TRA2B: variants seen among roughly 807,000 people sequenced by gnomAD.
TRA2B encodes transformer 2 beta homolog.
In TRA2B, 14 loss-of-function variants were observed where a neutral mutation model predicts 41.7. That is an observed-to-expected ratio of 0.34 (90% CI 0.22 to 0.53). The LOEUF is 0.53. Among genes scored for constraint, TRA2B ranks in the 20% least tolerant of loss-of-function variants. The pLI is 0.95. For missense variants in TRA2B, 167 were observed against 396.8 expected, an observed-to-expected ratio of 0.42 and a Z score of 4.92; for synonymous variants, 130 against 128.8, an observed-to-expected ratio of 1.01 and a Z score of -0.06.
intron 2 of TRA2B, 58 bp from the exon 3 acceptor site, chr3:185,925,684 ACT>A (rs1317082658): frequency 2.6e-6 from 4 of 1,532,498 alleles, no homozygotes; most frequent in Non-Finnish European, 2.6e-6. Flanking sequence ...CTTCTTTATT[ACT>A]CTGTTCTAAA....
At chr3:185,930,019 CGAG>C (rs1402654081) in intron 1 of TRA2B, among the ~76,000 whole-genome samples, 33 of 152,176 alleles carry the variant, frequency 2.2e-4, no homozygotes, top group African/African-American at 7.0e-4. Flanking sequence ...CCCTATGGCC[CGAG>C]GAGGAGACAC....
intron 1 of TRA2B, among the ~76,000 whole-genome samples, chr3:185,930,929 G>C (rs1292576518): frequency 6.6e-6 from 1 of 152,166 alleles, no homozygotes; most frequent in African/African-American, 2.4e-5. Flanking sequence ...TATTTTATCA[G>C]TAATCCTAGT....
chr3:185,923,377 T>C (rs1256114290), intron 4 of TRA2B: 1 of 153,948 alleles, frequency 6.5e-6, no homozygotes, highest in Non-Finnish European at 1.4e-5. Flanking sequence ...AAATGGGGTC[T>C]AGCCCCACAT....
In TRA2B at chr3:185,926,742, T is replaced by A. The variant is rs753204604; in HGVS notation, c.37-8A>T. ...GGAAGCAGAACGGGATTCCTACACG[T>A]AGATGTTAAAAGTTTAATTTGCACA... On this transcript the variant is annotated splice_polypyrimidine_tract_variant and splice_region_variant and intron_variant, in intron 1 of 8. Coordinates refer to ENST00000453386, the MANE Select transcript of TRA2B (RefSeq NM_004593.3). 10 of 1,613,764 alleles carry A rather than the reference T, an allele frequency of 6.2e-6. No homozygotes were observed. Among genetic ancestry groups the A allele is most frequent in the Non-Finnish European group, 7.6e-6 (9 of 1,179,818 alleles).
chr3:185,921,893 A>C, intron 5 of TRA2B, 118 bp downstream of exon 5: 4 of 627,056 alleles, frequency 6.4e-6, no homozygotes, highest in Middle Eastern at 7.8e-4. Context: ...GGAGCATTTA[A>C]TCAATCAACA....
At chr3:185,920,846 A>G (rs560093103) in intron 6 of TRA2B, among the ~76,000 whole-genome samples, 20 of 152,222 alleles carry the variant, frequency 1.3e-4, no homozygotes, top group Admixed American at 3.3e-4. Context: ...ATGTTTAAAA[A>G]TAAAACACAT....
At chr3:185,929,391 A>AATTC (rs1744067508) in intron 1 of TRA2B, among the ~76,000 whole-genome samples, 1 of 152,218 alleles carries the variant, frequency 6.6e-6, no homozygotes, top group Non-Finnish European at 1.5e-5. Context: ...GCATACTTCA[A>AATTC]ATTCCACTCT....
In TRA2B at chr3:185,917,422, T is replaced by C; in HGVS notation, c.*293A>G. On this transcript the variant is annotated 3_prime_UTR_variant, in exon 9 of 9. Coordinates refer to ENST00000453386, the MANE Select transcript of TRA2B (RefSeq NM_004593.3). The stretch of plus-strand genomic sequence containing the variant: ...ATACCCTGGATTCAGTAGAAAAACC[T>C]TTTAAATGAAGTTTTGTACAATAGA... The C allele has an allele frequency of 2.5e-6, 1 of 394,210 alleles. No homozygotes were observed. 24.4% of individuals were successfully genotyped at this position (394,210 alleles called of 1,614,324 possible).
chr3:185,929,691 A>AAAGGACT (rs1744077499), intron 1 of TRA2B, among the ~76,000 whole-genome samples: 1 of 152,204 alleles, frequency 6.6e-6, no homozygotes, highest in African/African-American at 2.4e-5. Flanking sequence ...AACATATTTG[A>AAAGGACT]AAGGACTAAC....
At chr3:185,928,275 T>C (rs1744026719) in intron 1 of TRA2B, 1 of 152,164 alleles carries the variant, frequency 6.6e-6, no homozygotes. Context: ...TCCAGTAAAA[T>C]GAGTTCAGGT....
chr3:185,926,624 C>T lies in TRA2B; in HGVS notation c.147G>A (p.Lys49=), dbSNP rs183437086. ...ACCTAGATTCAGATCGGGACCTGGA[C>T]TTTGATCTGGAACGCCTGGAATCTT... is the stretch of plus-strand genomic sequence containing the variant. ...SKEDSRRSRS[K]SRSRSESRSR... The change falls in exon 2 of 9, where the codon AAG becomes AAA. Residue 49 remains lysine (K), a synonymous_variant. Transcript: ENST00000453386. 6.2e-7 allele frequency: 1 copy of T among 1,614,166 alleles called. No homozygotes were observed. Among genetic ancestry groups the T allele is most frequent in the East Asian group, 2.2e-5 (1 of 44,890 alleles).
intron 1 of TRA2B, chr3:185,934,736 A>G: frequency 1.0e-6 from 1 of 985,404 alleles, no homozygotes; most frequent in South Asian, 4.7e-5. Context: ...ATAAAAAGAC[A>G]TCCCAAGATT....
chr3:185,918,417 G>C lies in TRA2B; in HGVS notation c.804C>G (p.Tyr268Ter). The change falls in exon 8 of 9, where the codon TAC becomes TAG. Residue 268 changes from tyrosine (Y) to a stop codon, truncating the protein, a stop_gained. Transcript: ENST00000453386. LOFTEE classifies it high-confidence loss of function. ...QIYRRRSPSP[Y>*]YSRGGYRSRS... ...GTGATCTGTATCCTCCACGACTATA[G>C]TAAGGAGAAGGTGACCGCCTTCTAT... is the stretch of plus-strand genomic sequence containing the variant. The C allele has an allele frequency of 6.2e-7, 1 of 1,613,606 alleles. No homozygotes were observed. Among genetic ancestry groups the C allele is most frequent in the East Asian group, 2.2e-5 (1 of 44,854 alleles).
In TRA2B at chr3:185,914,866, TC is replaced by T. The variant is rs1743449429; in HGVS notation, c.*2848del. 1.3e-5 allele frequency among the ~76,000 whole-genome samples: 2 copies of T among 152,136 alleles called. No individual in the cohort carries two copies. Among genetic ancestry groups the T allele is most frequent in the Non-Finnish European group, 2.9e-5 (2 of 68,012 alleles). On this transcript the variant is annotated 3_prime_UTR_variant, in exon 9 of 9. Coordinates refer to ENST00000453386, the MANE Select transcript of TRA2B (RefSeq NM_004593.3). Reference sequence around the variant, plus strand: ...CTTTTTATTTCTTCTCGGTGAAACTTCTAATTCTCAATTTCTCCTCCTGGGC... The same window carrying T: ...CTTTTTATTTCTTCTCGGTGAAACTTTAATTCTCAATTTCTCCTCCTGGGC...
At chr3:185,935,047 C>G in intron 1 of TRA2B, 1 of 985,420 alleles carries the variant, frequency 1.0e-6, no homozygotes, top group Non-Finnish European at 1.2e-6. Context: ...GACCAACATA[C>G]AAATCTCACA....
At chr3:185,937,282 G>A (rs1280770827) in intron 1 of TRA2B, 1 of 986,464 alleles carries the variant, frequency 1.0e-6, no homozygotes, top group African/African-American at 1.7e-5. Flanking sequence ...CCTTTCCGTG[G>A]AGGCAAAGAC....
At chr3:185,936,162 G>A in intron 1 of TRA2B, 1 of 985,362 alleles carries the variant, frequency 1.0e-6, no homozygotes, top group Non-Finnish European at 1.2e-6. Flanking sequence ...CAGTCATTTA[G>A]TATTTTTGAA....
intron 6 of TRA2B, among the ~76,000 whole-genome samples, chr3:185,920,557 AT>A (rs1743681738): frequency 6.6e-6 from 1 of 151,342 alleles, no homozygotes; most frequent in Admixed American, 6.6e-5. Context: ...CTATGTATTC[AT>A]TTATTTATTT....
intron 1 of TRA2B, chr3:185,934,756 A>G: frequency 1.0e-6 from 1 of 985,478 alleles, no homozygotes; most frequent in African/African-American, 1.7e-5. Context: ...TCAGCAGAAG[A>G]TGAGAAAAAC....
Sources: allele counts gnomAD v4.1 joint callset (sites outside exome capture counted in the v4.1 genomes callset), GRCh38; gene constraint gnomAD v4.1.1; transcripts MANE v1.5; gene names NCBI Gene and HGNC (gene_info 2026-07-23, HGNC 2026-07-21).